Variants in TENM4 observed in about 807,000 individuals in gnomAD.
TENM4 encodes the protein teneurin-4.
TENM4 carries 82 observed loss-of-function variants against 243.3 expected under a neutral mutation model. The observed-to-expected ratio is 0.34, with a 90% CI of 0.28 to 0.40. The LOEUF is 0.40. Ranked by LOEUF, TENM4 falls within the 10% of genes least tolerant of loss-of-function variation. The pLI, the probability that TENM4 is intolerant of heterozygous loss-of-function variation, is 1.00. For synonymous variants in TENM4, 1,412 were observed against 1,456.3 expected, an observed-to-expected ratio of 0.97 and a Z score of 0.69; for missense variants, 3,138 against 3,673.3, an observed-to-expected ratio of 0.85 and a Z score of 3.77.
intron 1 of TENM4, among the ~76,000 whole-genome samples, chr11:79,404,780 A>C (rs992889583): frequency 6.6e-6 from 1 of 152,198 alleles, no homozygotes. Flanking sequence ...ATGAAATCCC[A>C]AGACAAAATA....
intron 6 of TENM4, among the ~76,000 whole-genome samples, chr11:79,024,752 G>T (rs1045398093): frequency 1.3e-5 from 2 of 152,190 alleles, no homozygotes; most frequent in African/African-American, 4.8e-5. Flanking sequence ...TGTGTATGGT[G>T]CCTTTATGTA....
intron 10 of TENM4, among the ~76,000 whole-genome samples, chr11:78,859,045 A>G (rs539982879): frequency 1.3e-3 from 193 of 152,294 alleles, no homozygotes; most frequent in African/African-American, 4.5e-3. Flanking sequence ...ATGAATGATT[A>G]ATTAAAACAC....
chr11:78,732,604 G>C (rs1855696025), intron 20 of TENM4, 27 bp from the exon 21 acceptor site: 2 of 1,570,058 alleles, frequency 1.3e-6, no homozygotes, highest in Admixed American at 1.8e-5. Context: ...GGTTGAGAAG[G>C]GGCGGGGAGC....
intron 12 of TENM4, among the ~76,000 whole-genome samples, chr11:78,834,007 A>G (rs1006399375): frequency 6.6e-6 from 1 of 152,160 alleles, no homozygotes; most frequent in African/African-American, 2.4e-5. Flanking sequence ...GCCACTTGCA[A>G]TCCGTCAGCC....
intron 6 of TENM4, among the ~76,000 whole-genome samples, chr11:79,000,415 CAAT>C (rs1302834640): frequency 4.0e-5 from 6 of 151,238 alleles, no homozygotes; most frequent in Admixed American, 3.3e-4. Context: ...TTGAGTGAAA[CAAT>C]AATTATAACA....
intron 13 of TENM4, among the ~76,000 whole-genome samples, chr11:78,813,624 A>T (rs1857544972): frequency 6.6e-6 from 1 of 152,236 alleles, no homozygotes; most frequent in Non-Finnish European, 1.5e-5. Context: ...GTGCCAAATT[A>T]TCAGGACTGC....
intron 2 of TENM4, among the ~76,000 whole-genome samples, chr11:79,246,987 A>G (rs878929082): frequency 8.8e-6 from 1 of 113,172 alleles, no homozygotes; most frequent in African/African-American, 4.5e-5. Flanking sequence ...GTATTTCTCA[A>G]AAAAAAAAAA....
At position 79,105,897 on chromosome 11, in the gene TENM4, G is replaced by A. The variant is rs372119030; in HGVS notation, c.-65-35888C>T. On this transcript the variant is annotated intron_variant, in intron 4 of 33. Coordinates refer to ENST00000278550, the MANE Select transcript of TENM4 (RefSeq NM_001098816.3). ...AATGGTGCTAGGAGATGCTAATTAT[G>A]TTCTAAAGGCTTACCTAAGTAAAAC... Among the ~76,000 whole-genome samples, 317 of 96,614 alleles carry A rather than the reference G, an allele frequency of 3.3e-3. 13 individuals carry two copies. The South Asian group carries it at 0.11, about 32-fold the overall frequency. 63.4% of individuals were successfully genotyped at this position (96,614 alleles called of 152,430 possible).
At chr11:79,191,958 C>T (rs1302354243) in intron 3 of TENM4, among the ~76,000 whole-genome samples, 2 of 151,788 alleles carry the variant, frequency 1.3e-5, no homozygotes, top group Non-Finnish European at 2.9e-5. Context: ...GGGGTCAGCC[C>T]CCCGCCCAGC....
At chr11:79,225,719 T>C (rs1156418557) in intron 2 of TENM4, among the ~76,000 whole-genome samples, 3 of 152,134 alleles carry the variant, frequency 2.0e-5, no homozygotes, top group African/African-American at 7.2e-5. Flanking sequence ...GCTCAAGCAA[T>C]CCACCTGTCT....
intron 4 of TENM4, among the ~76,000 whole-genome samples, chr11:79,094,534 G>A (rs1861032926): frequency 6.6e-6 from 1 of 152,178 alleles, no homozygotes; most frequent in Non-Finnish European, 1.5e-5. Context: ...CCTTGTGAAA[G>A]AAAGGGGTGA....
At chr11:79,207,510 G>C (rs1863872050) in intron 3 of TENM4, among the ~76,000 whole-genome samples, 1 of 152,140 alleles carries the variant, frequency 6.6e-6, no homozygotes, top group East Asian at 1.9e-4. Context: ...AAGTAGAAAA[G>C]CCCAGATTTG....
intron 10 of TENM4, among the ~76,000 whole-genome samples, chr11:78,856,907 C>T (rs1858693948): frequency 6.6e-6 from 1 of 152,152 alleles, no homozygotes; most frequent in African/African-American, 2.4e-5. Context: ...GGAAATTCCA[C>T]CCAGGCTCCC....
At chr11:79,327,621 G>A (rs947307338) in intron 1 of TENM4, among the ~76,000 whole-genome samples, 9 of 147,466 alleles carry the variant, frequency 6.1e-5, no homozygotes, top group African/African-American at 1.7e-4. Context: ...CACTTATAGC[G>A]AGATAAAGCA....
rs1365948516 is a variant in TENM4, at chr11:79,060,797, T to C, written c.493+3941A>G. 4.6e-5 allele frequency among the ~76,000 whole-genome samples: 7 copies of C among 152,120 alleles called. No individual in the cohort carries two copies. The South Asian group carries it at 1.0e-3, about 23-fold the overall frequency. ...GAGTTGCCAGGGAGATTAAAGGCAATTGCACATGTACAGTGGTAGGCCCAT... is the reference window on the plus strand; with the variant it reads ...GAGTTGCCAGGGAGATTAAAGGCAACTGCACATGTACAGTGGTAGGCCCAT... On this transcript the variant is annotated intron_variant, in intron 6 of 33. Coordinates refer to ENST00000278550, the MANE Select transcript of TENM4 (RefSeq NM_001098816.3).
chr11:79,217,761 G>T (rs893306595), intron 2 of TENM4, among the ~76,000 whole-genome samples: 1 of 150,958 alleles, frequency 6.6e-6, no homozygotes, highest in African/African-American at 2.4e-5. Context: ...TTGCTCTTGT[G>T]GCCCAGGCTG....
chr11:78,811,437 T>C, intron 14 of TENM4, among the ~76,000 whole-genome samples: 1 of 152,198 alleles, frequency 6.6e-6, no homozygotes, highest in East Asian at 1.9e-4. Context: ...TTTCACTTGG[T>C]TGGATTTCCT....
intron 4 of TENM4, among the ~76,000 whole-genome samples, chr11:79,091,574 G>T (rs1860950599): frequency 6.6e-6 from 1 of 152,054 alleles, no homozygotes; most frequent in Non-Finnish European, 1.5e-5. Flanking sequence ...GCTACTCAAG[G>T]GGTGACACAT....
intron 6 of TENM4, among the ~76,000 whole-genome samples, chr11:79,002,960 C>A (rs1260563654): frequency 6.6e-6 from 1 of 152,028 alleles, no homozygotes; most frequent in Admixed American, 6.6e-5. Context: ...CCAAACTGAT[C>A]TGATAGAGCT....
Sources: allele counts gnomAD v4.1 joint callset (sites outside exome capture counted in the v4.1 genomes callset), GRCh38; gene constraint gnomAD v4.1.1; transcripts MANE v1.5; gene names NCBI Gene and HGNC (gene_info 2026-07-23, HGNC 2026-07-21).